Variants in AGO2 observed in about 807,000 individuals in gnomAD.
AGO2 encodes the protein argonaute RISC catalytic component 2.
AGO2 carries 5 observed loss-of-function variants against 102.3 expected under a neutral mutation model. That is an observed-to-expected ratio of 0.05 (90% CI 0.03 to 0.10). AGO2 has a LOEUF of 0.10. Ranked by LOEUF, AGO2 falls within the 10% of genes least tolerant of loss-of-function variation. The pLI is 1.00. For synonymous variants in AGO2, 449 were observed against 473.1 expected, an observed-to-expected ratio of 0.95 and a Z score of 0.66; for missense variants, 541 against 1,183.7, an observed-to-expected ratio of 0.46 and a Z score of 7.97.
At chr8:140,611,487 C>T (rs971816082) in intron 1 of AGO2, among the ~76,000 whole-genome samples, 13 of 152,058 alleles carry the variant, frequency 8.5e-5, no homozygotes, top group Non-Finnish European at 1.6e-4. Context: ...ACCACCACAC[C>T]GGGCTAATTT....
intron 1 of AGO2, among the ~76,000 whole-genome samples, chr8:140,585,809 A>G (rs1176497276): frequency 6.6e-6 from 1 of 152,212 alleles, no homozygotes; most frequent in Admixed American, 6.5e-5. Flanking sequence ...TTTCACTCAA[A>G]TGTCTGTTTA....
chr8:140,606,267 G>A (rs953898981), intron 1 of AGO2, among the ~76,000 whole-genome samples: 6 of 152,190 alleles, frequency 3.9e-5, no homozygotes, highest in Admixed American at 1.3e-4. Flanking sequence ...CATTTCCAGC[G>A]CAGGAAGAAC....
At position 140,589,924 on chromosome 8, in the gene AGO2, A is replaced by C. The variant is rs1165090477; in HGVS notation, c.23-4613T>G. 6.6e-6 allele frequency among the ~76,000 whole-genome samples: 1 copy of C among 152,264 alleles called. No homozygotes were observed. The highest frequency in any genetic ancestry group is 1.5e-5 in the Non-Finnish European group (1 of 68,044). On this transcript the variant is annotated intron_variant, in intron 1 of 18. Transcript: ENST00000220592. This position sits in a 1 kb window ranked among gnomAD's most constrained non-coding sequence, Gnocchi z 4.2. Reference sequence around the variant, plus strand: ...TGACAACTCACCTGTTGTCTACACAAGCAAGCCTCCCTTATGGCCACCCAA... The same window carrying C: ...TGACAACTCACCTGTTGTCTACACACGCAAGCCTCCCTTATGGCCACCCAA...
rs200397334 is a variant in AGO2, at chr8:140,522,665, C to CA, written c.*9378dup. Reference sequence around the variant, plus strand: ...AAGCTATGGCCATAGCCAAGCTAGACAAGAGAGAGAGAGAGAGACAGAGAC... The same window carrying CA: ...AAGCTATGGCCATAGCCAAGCTAGACAAAGAGAGAGAGAGAGAGACAGAGAC... On this transcript the variant is annotated 3_prime_UTR_variant, in exon 19 of 19. Transcript: ENST00000220592. 5 of 70,594 alleles carry CA rather than the reference C, an allele frequency of 7.1e-5. No homozygotes were observed. 4.4% of individuals were successfully genotyped at this position (70,594 alleles called of 1,614,324 possible).
intron 1 of AGO2, among the ~76,000 whole-genome samples, chr8:140,598,726 T>C (rs550538474): frequency 6.6e-6 from 1 of 152,250 alleles, no homozygotes; most frequent in African/African-American, 2.4e-5. Flanking sequence ...CCCAACCCCG[T>C]TTCCTCCTCT....
intron 1 of AGO2, among the ~76,000 whole-genome samples, chr8:140,630,962 G>A (rs1257172494): frequency 2.0e-5 from 3 of 152,190 alleles, no homozygotes; most frequent in Non-Finnish European, 4.4e-5. Context: ...GCTGAGGTGG[G>A]AGGGCGGCTT....
At chr8:140,532,745 C>G in intron 17 of AGO2, 130 bp from the exon 18 acceptor site, 1 of 1,087,806 alleles carries the variant, frequency 9.2e-7, no homozygotes, top group Non-Finnish European at 1.3e-6. Flanking sequence ...GCCTGTAATC[C>G]CAGCACTTTG....
In AGO2 at chr8:140,582,322, A is replaced by G. The variant is rs1180531421; in HGVS notation, c.215+2797T>C. ...GAGCACCCCTAATCTGAAAACCCCA[A>G]ATCCAAAATGCTCCAAAATCTGAAA... is the stretch of plus-strand genomic sequence containing the variant. On this transcript the variant is annotated intron_variant, in intron 2 of 18. Coordinates refer to ENST00000220592, the MANE Select transcript of AGO2 (RefSeq NM_012154.5). 5.3e-5 allele frequency among the ~76,000 whole-genome samples: 8 copies of G among 152,200 alleles called. No individual in the cohort carries two copies. The East Asian group carries it at 1.3e-3, about 26-fold the overall frequency.
intron 13 of AGO2, among the ~76,000 whole-genome samples, chr8:140,545,555 G>A (rs543940168): frequency 3.9e-5 from 6 of 152,206 alleles, no homozygotes; most frequent in African/African-American, 1.2e-4. Flanking sequence ...GGCTCCCACC[G>A]TCCACTCATC....
At chr8:140,611,385 T>C (rs892580972) in intron 1 of AGO2, among the ~76,000 whole-genome samples, 139 of 151,952 alleles carry the variant, frequency 9.1e-4, no homozygotes, top group African/African-American at 3.3e-3. Flanking sequence ...TGGAGTACAG[T>C]GGCACGATCT....
chr8:140,558,671 C>A, intron 6 of AGO2, 99 bp from the exon 7 acceptor site: 3 of 1,333,122 alleles, frequency 2.3e-6, no homozygotes, highest in Non-Finnish European at 3.2e-6. Context: ...TGGCTGGGGA[C>A]CCAAGTTATG....
At chr8:140,560,157 G>A (rs936729213) in intron 5 of AGO2, among the ~76,000 whole-genome samples, 1 of 152,254 alleles carries the variant, frequency 6.6e-6, no homozygotes, top group African/African-American at 2.4e-5. Flanking sequence ...CACAGCCTCT[G>A]AGGGTGCGAC....
intron 3 of AGO2, among the ~76,000 whole-genome samples, chr8:140,569,994 G>GA (rs1182547726): frequency 6.6e-6 from 1 of 152,190 alleles, no homozygotes; most frequent in Non-Finnish European, 1.5e-5. Context: ...GTACTTCACA[G>GA]AAAAAAGACA....
Position 140,520,751 on chromosome 8 carries a change from T to C in AGO2, c.*11293A>G, listed in dbSNP as rs896878876. 3 of 151,064 alleles carry C rather than the reference T, an allele frequency of 2.0e-5. No individual in the cohort carries two copies. Among genetic ancestry groups the C allele is most frequent in the Admixed American group, 6.6e-5 (1 of 15,194 alleles). 9.4% of individuals were successfully genotyped at this position (151,064 alleles called of 1,614,324 possible). On this transcript the variant is annotated 3_prime_UTR_variant, in exon 19 of 19. Coordinates refer to ENST00000220592, the MANE Select transcript of AGO2 (RefSeq NM_012154.5). ...TAACCTTGAGCTTAGAAATAAGTTA[T>C]CCAACCTCTTGATGACATGGAGAAA...
At chr8:140,548,892 A>T (rs766328422) in intron 12 of AGO2, among the ~76,000 whole-genome samples, 4 of 152,238 alleles carry the variant, frequency 2.6e-5, no homozygotes, top group Non-Finnish European at 4.4e-5. Context: ...GAGGGTGCTG[A>T]CTGCCCAGGA....
At chr8:140,631,590 G>A (rs2074343051) in intron 1 of AGO2, among the ~76,000 whole-genome samples, 1 of 152,078 alleles carries the variant, frequency 6.6e-6, no homozygotes, top group African/African-American at 2.4e-5. Flanking sequence ...TCAAATGCAG[G>A]GAGAAGAGAG....
At chr8:140,554,138 G>A (rs942788439) in intron 10 of AGO2, among the ~76,000 whole-genome samples, 2 of 152,244 alleles carry the variant, frequency 1.3e-5, no homozygotes, top group African/African-American at 2.4e-5. Context: ...GCTGTGAAGC[G>A]GTGCTGGGTT....
At chr8:140,625,776 C>T (rs1211325399) in intron 1 of AGO2, among the ~76,000 whole-genome samples, 2 of 152,192 alleles carry the variant, frequency 1.3e-5, no homozygotes, top group Non-Finnish European at 2.9e-5. Context: ...TGTTTCAGAA[C>T]ATTCCAGGAG....
chr8:140,573,516 G>T (rs2073418297), intron 2 of AGO2, among the ~76,000 whole-genome samples: 2 of 152,112 alleles, frequency 1.3e-5, no homozygotes, highest in African/African-American at 4.8e-5. Context: ...CAAGACCTGT[G>T]GCTCCTTTGG....
Sources: allele counts gnomAD v4.1 joint callset (sites outside exome capture counted in the v4.1 genomes callset), GRCh38; gene constraint gnomAD v4.1.1; non-coding constraint Gnocchi (gnomAD v3.1); transcripts MANE v1.5; gene names NCBI Gene and HGNC (gene_info 2026-07-23, HGNC 2026-07-21).